The following NSUN3 variants were observed in gnomAD, a reference collection of about 807,000 sequenced individuals.
The protein encoded by NSUN3 is NOP2/Sun RNA methyltransferase 3, also known as tRNA (cytosine(34)-C(5))-methyltransferase, mitochondrial.
A neutral mutation model predicts 36.8 loss-of-function variants in NSUN3; 24 were observed. That is an observed-to-expected ratio of 0.65 (90% CI 0.47 to 0.92). The LOEUF (loss-of-function observed/expected upper bound fraction) is 0.92. Ranked by LOEUF, NSUN3 falls within the 40% of genes least tolerant of loss-of-function variation. The pLI is 0.00. For synonymous variants in NSUN3, 146 were observed against 145.2 expected, an observed-to-expected ratio of 1.01 and a Z score of -0.04; for missense variants, 381 against 392.8, an observed-to-expected ratio of 0.97 and a Z score of 0.25.
intron 2 of NSUN3, among the ~76,000 whole-genome samples, chr3:94,072,611 G>A (rs1247280093): frequency 5.3e-5 from 8 of 152,088 alleles, no homozygotes; most frequent in East Asian, 1.9e-4. Flanking sequence ...GTTGGGGGCC[G>A]GGCATGTGGA....
intron 5 of NSUN3, among the ~76,000 whole-genome samples, chr3:94,114,970 A>G (rs1245539342): frequency 1.3e-5 from 2 of 151,086 alleles, no homozygotes; most frequent in Non-Finnish European, 2.9e-5. Flanking sequence ...TTGCTGCTCT[A>G]TTCTAGTTTA....
chr3:94,109,466 T>A (rs969510156), intron 5 of NSUN3, among the ~76,000 whole-genome samples: 1 of 152,226 alleles, frequency 6.6e-6, no homozygotes, highest in African/African-American at 2.4e-5. Context: ...GGGAGCTGTT[T>A]AAGTAGTCTG....
chr3:94,113,870 A>T lies in NSUN3; in HGVS notation c.744-12341A>T, dbSNP rs2077428832. Among the ~76,000 whole-genome samples the T allele has an allele frequency of 3.3e-5, 5 of 152,208 alleles. No individual in the cohort carries two copies. The South Asian group carries it at 1.0e-3, about 32-fold the overall frequency. ...AAGGACTAACTACTTTTGAGTTTCT[A>T]CATTGAGTCTAATATGTTAAAATTG... On this transcript the variant is annotated intron_variant, in intron 5 of 5. Transcript: ENST00000314622.
Position 94,130,095 on chromosome 3 carries a change from A to G in NSUN3, c.*3605A>G, listed in dbSNP as rs2077503887. The stretch of plus-strand genomic sequence containing the variant: ...TGATGCTTAAAACAAACTCAGGAAT[A>G]AGTATTATAACCCCCTTTTGTGAAT... On this transcript the variant is annotated 3_prime_UTR_variant, in exon 6 of 6. Transcript: ENST00000314622. 6.6e-6 allele frequency among the ~76,000 whole-genome samples: 1 copy of G among 152,086 alleles called. No homozygotes were observed. The highest frequency in any genetic ancestry group is 6.6e-5 in the Admixed American group (1 of 15,254).
At chr3:94,080,490 C>T (rs1009851583) in intron 2 of NSUN3, among the ~76,000 whole-genome samples, 3 of 152,196 alleles carry the variant, frequency 2.0e-5, no homozygotes, top group Admixed American at 6.5e-5. Context: ...ACGTTTAAGT[C>T]GGCTGAAGCT....
intron 3 of NSUN3, among the ~76,000 whole-genome samples, chr3:94,090,531 T>G (rs1451371473): frequency 1.3e-5 from 2 of 152,154 alleles, no homozygotes; most frequent in African/African-American, 2.4e-5. Context: ...AATATGCACA[T>G]ACTAAATGCA....
rs1383003909 is a variant in NSUN3 at position 94,128,485 on chromosome 3, T to C, written c.*1995T>C. The C allele has an allele frequency of 6.6e-6, 1 of 151,684 alleles. No individual in the cohort carries two copies. The highest frequency in any genetic ancestry group is 2.4e-5 in the African/African-American group (1 of 41,338). The allele number at this position is 151,684 out of a possible 1,614,324, so 9.4% of individuals were successfully genotyped here. On this transcript the variant is annotated 3_prime_UTR_variant, in exon 6 of 6. Coordinates refer to ENST00000314622, the MANE Select transcript of NSUN3 (RefSeq NM_022072.5). ...TCGGTATTTTCCCAGTATAATGCGA[T>C]GAAGCTTAATCTGAATACTTGGTAT...
At chr3:94,103,891 T>C (rs557646257) in intron 5 of NSUN3, among the ~76,000 whole-genome samples, 13 of 152,262 alleles carry the variant, frequency 8.5e-5, no homozygotes, top group African/African-American at 2.9e-4. Context: ...GATCCATTTC[T>C]GTTTTGATTT....
intron 5 of NSUN3, among the ~76,000 whole-genome samples, chr3:94,100,385 T>C (rs2077359902): frequency 6.6e-6 from 1 of 152,178 alleles, no homozygotes; most frequent in Admixed American, 6.5e-5. Flanking sequence ...AACAGAAAGA[T>C]AGATACCATA....
rs1327862337 is a variant in NSUN3 at position 94,084,364 on chromosome 3, T to C, written c.380T>C (p.Leu127Pro). 8 of 1,614,194 alleles carry C rather than the reference T, an allele frequency of 5.0e-6. No homozygotes were observed. Among genetic ancestry groups the C allele is most frequent in the Non-Finnish European group, 6.8e-6 (8 of 1,180,012 alleles). Residue 127 changes from leucine (L) to proline (P), a missense_variant, in exon 3 of 6, where the codon CTG becomes CCG. Physicochemically the swap from Leu to Pro is moderately conservative, Grantham distance 98. Coordinates refer to ENST00000314622, the MANE Select transcript of NSUN3 (RefSeq NM_022072.5). ...NAASLLPVLA[L>P]ELRDGEKVLD... ...GCTTCTCTTCTCCCAGTGTTGGCTCTGGAATTAAGGGATGGGGAGAAGGTT... is the reference window on the plus strand; with the variant it reads ...GCTTCTCTTCTCCCAGTGTTGGCTCCGGAATTAAGGGATGGGGAGAAGGTT...
chr3:94,105,198 G>A (rs115203058), intron 5 of NSUN3, among the ~76,000 whole-genome samples: 1 of 152,228 alleles, frequency 6.6e-6, no homozygotes, highest in Non-Finnish European at 1.5e-5. Flanking sequence ...TTATCTCTTG[G>A]TGCTCTGTGT....
intron 2 of NSUN3, among the ~76,000 whole-genome samples, chr3:94,070,667 C>G (rs891217303): frequency 2.0e-5 from 3 of 152,194 alleles, no homozygotes; most frequent in African/African-American, 7.2e-5. Context: ...TCCCAACCTG[C>G]CTTTCTCCAA....
At chr3:94,087,886 C>T (rs2077298919) in intron 3 of NSUN3, among the ~76,000 whole-genome samples, 1 of 152,104 alleles carries the variant, frequency 6.6e-6, no homozygotes, top group Non-Finnish European at 1.5e-5. Context: ...CCAGGCTGGC[C>T]TCGAACTCCT....
intron 5 of NSUN3, among the ~76,000 whole-genome samples, chr3:94,104,002 G>A (rs2077376490): frequency 1.3e-5 from 2 of 152,186 alleles, no homozygotes; most frequent in South Asian, 4.1e-4. Flanking sequence ...AGACTAATGA[G>A]TTTTGCTAAG....
chr3:94,120,789 C>T (rs551003908), intron 5 of NSUN3, among the ~76,000 whole-genome samples: 43 of 152,144 alleles, frequency 2.8e-4, no homozygotes, highest in African/African-American at 1.9e-4. Context: ...GGAATATGAC[C>T]AGAAGTGGAA....
At chr3:94,086,380 C>T (rs1238464361) in intron 3 of NSUN3, among the ~76,000 whole-genome samples, 2 of 152,180 alleles carry the variant, frequency 1.3e-5, no homozygotes, top group African/African-American at 2.4e-5. Context: ...TGGTGAAGGA[C>T]CTTGTGAAAG....
intron 5 of NSUN3, among the ~76,000 whole-genome samples, chr3:94,125,278 A>G (rs141890267): frequency 5.9e-5 from 9 of 152,218 alleles, no homozygotes; most frequent in African/African-American, 1.7e-4. Flanking sequence ...TTATCTAGCA[A>G]TCCTTGGTTA....
intron 2 of NSUN3, among the ~76,000 whole-genome samples, chr3:94,069,499 A>G (rs1180671165): frequency 6.6e-6 from 1 of 152,228 alleles, no homozygotes; most frequent in African/African-American, 2.4e-5. Flanking sequence ...TGTAATCTAC[A>G]GGGTTATATT....
intron 5 of NSUN3, among the ~76,000 whole-genome samples, chr3:94,104,931 G>A (rs1200014258): frequency 6.6e-6 from 1 of 152,086 alleles, no homozygotes; most frequent in Admixed American, 6.6e-5. Flanking sequence ...AAAATACCAC[G>A]GATGTTAACA....
Sources: allele counts gnomAD v4.1 joint callset (sites outside exome capture counted in the v4.1 genomes callset), GRCh38; gene constraint gnomAD v4.1.1; transcripts MANE v1.5; gene names NCBI Gene and HGNC (gene_info 2026-07-23, HGNC 2026-07-21).